The following MYT1L variants were observed in gnomAD, a reference collection of about 807,000 sequenced individuals.
MYT1L encodes the protein myelin transcription factor 1-like protein.
MYT1L carries 12 observed loss-of-function variants against 126.7 expected under a neutral mutation model. The ratio of observed to expected loss-of-function variants is 0.09; its 90% CI spans 0.06 to 0.15. The LOEUF (loss-of-function observed/expected upper bound fraction) is 0.15. Among genes scored for constraint, MYT1L ranks in the 10% least tolerant of loss-of-function variants. The pLI is 1.00. For synonymous variants in MYT1L, 541 were observed against 604.2 expected (o/e 0.90, Z 1.53); for missense variants, 979 against 1,585.2 (o/e 0.62, Z 6.49).
At chr2:2,256,890 A>C (rs1193201118) in intron 2 of MYT1L, among the ~76,000 whole-genome samples, 4 of 152,210 alleles carry the variant, frequency 2.6e-5, no homozygotes, top group Admixed American at 2.6e-4. Context: ...GAGAGTGTGC[A>C]TGTGTGTGTA....
At chr2:2,088,007 T>C (rs1249895966) in intron 3 of MYT1L, among the ~76,000 whole-genome samples, 1 of 152,002 alleles carries the variant, frequency 6.6e-6, no homozygotes, top group Non-Finnish European at 1.5e-5. Flanking sequence ...AACACACGAG[T>C]GTAAATCTCT....
At chr2:2,245,363 C>G (rs1024121224) in intron 2 of MYT1L, among the ~76,000 whole-genome samples, 2 of 151,852 alleles carry the variant, frequency 1.3e-5, no homozygotes, top group Non-Finnish European at 2.9e-5. Flanking sequence ...CTAGCCTACT[C>G]CAAGACATGA....
chr2:1,796,934 TG>T lies in MYT1L; in HGVS notation c.3277-4471del, dbSNP rs565654840. 4.9e-3 allele frequency among the ~76,000 whole-genome samples: 742 copies of T among 152,290 alleles called. 1 individual carries two copies. Among genetic ancestry groups the T allele is most frequent in the Admixed American group, 9.1e-3 (140 of 15,302 alleles). The stretch of plus-strand genomic sequence containing the variant: ...GCTCTCTCCTCCTCAGCGGCAGTTT[TG>T]TTTTTTTCCGGATTCTGATAACAAG... On this transcript the variant is annotated intron_variant, in intron 23 of 24. Transcript: ENST00000647738.
intron 2 of MYT1L, among the ~76,000 whole-genome samples, chr2:2,264,869 G>A (rs1200958215): frequency 6.6e-6 from 1 of 152,058 alleles, no homozygotes; most frequent in Non-Finnish European, 1.5e-5. Context: ...CACTTCTCAT[G>A]GCAAAATACC....
chr2:2,084,716 C>T (rs543207488), intron 3 of MYT1L, among the ~76,000 whole-genome samples: 1 of 152,188 alleles, frequency 6.6e-6, no homozygotes. Flanking sequence ...AGGCCTGAAT[C>T]CCAAACCTAC....
chr2:2,322,505 G>T (rs904502146), intron 1 of MYT1L, among the ~76,000 whole-genome samples: 7 of 152,100 alleles, frequency 4.6e-5, no homozygotes, highest in Non-Finnish European at 1.0e-4. Flanking sequence ...TTGCCCGTGA[G>T]CCTGCTCCAC....
intron 4 of MYT1L, among the ~76,000 whole-genome samples, chr2:2,021,721 C>T (rs2065046088): frequency 6.6e-6 from 1 of 152,132 alleles, no homozygotes; most frequent in South Asian, 2.1e-4. Flanking sequence ...CACGGTGAAA[C>T]TCCGTCTCTA....
intron 15 of MYT1L, among the ~76,000 whole-genome samples, chr2:1,890,979 A>C (rs1314253543): frequency 1.3e-5 from 2 of 152,092 alleles, no homozygotes; most frequent in African/African-American, 4.8e-5. Context: ...AAGTGCAACA[A>C]AATTTGGAAG....
At chr2:2,084,892 G>A (rs529812130) in intron 3 of MYT1L, among the ~76,000 whole-genome samples, 2 of 152,292 alleles carry the variant, frequency 1.3e-5, no homozygotes, top group South Asian at 4.1e-4. Flanking sequence ...AGGAAACACT[G>A]GTTATTATCT....
intron 8 of MYT1L, among the ~76,000 whole-genome samples, chr2:1,945,881 G>T (rs561777467): frequency 2.0e-5 from 3 of 152,104 alleles, no homozygotes; most frequent in African/African-American, 7.2e-5. Flanking sequence ...CTTCTAAAAC[G>T]ATTTAGACCA....
chr2:2,157,876 T>C (rs2086987136), intron 3 of MYT1L, among the ~76,000 whole-genome samples: 3 of 151,988 alleles, frequency 2.0e-5, no homozygotes, highest in Admixed American at 6.5e-5. Context: ...AGATCCAGTC[T>C]TATGTCCCTA....
chr2:1,957,947 C>T (rs1415556408), intron 8 of MYT1L, among the ~76,000 whole-genome samples: 1 of 152,166 alleles, frequency 6.6e-6, no homozygotes, highest in Non-Finnish European at 1.5e-5. Context: ...AAGGCTTCAA[C>T]CCATTTCCAG....
chr2:2,317,611 T>G (rs1244879607), intron 1 of MYT1L, among the ~76,000 whole-genome samples: 3 of 151,908 alleles, frequency 2.0e-5, no homozygotes, highest in African/African-American at 7.3e-5. Flanking sequence ...AGACAAAAAA[T>G]AAAAATAAAA....
intron 2 of MYT1L, among the ~76,000 whole-genome samples, chr2:2,232,309 A>C (rs1171997286): frequency 6.6e-6 from 1 of 152,228 alleles, no homozygotes; most frequent in Admixed American, 6.5e-5. Flanking sequence ...GGCTTGGGTC[A>C]CCTGCAGTTA....
chr2:2,037,772 C>T (rs1403672022), intron 4 of MYT1L, among the ~76,000 whole-genome samples: 1 of 148,484 alleles, frequency 6.7e-6, no homozygotes, highest in Non-Finnish European at 1.5e-5. Context: ...CAAAACAAAA[C>T]AAAACAAAAC....
intron 1 of MYT1L, among the ~76,000 whole-genome samples, chr2:2,322,498 C>T (rs1184720887): frequency 6.6e-6 from 1 of 152,048 alleles, no homozygotes; most frequent in African/African-American, 2.4e-5. Flanking sequence ...ATTGTCTTTG[C>T]CCGTGAGCCT....
chr2:2,227,482 C>T (rs2094040777), intron 2 of MYT1L, among the ~76,000 whole-genome samples: 1 of 152,126 alleles, frequency 6.6e-6, no homozygotes, highest in Admixed American at 6.5e-5. Context: ...ATCGAGGGAC[C>T]ACAGGATGGA....
chr2:1,858,123 C>A, intron 18 of MYT1L, among the ~76,000 whole-genome samples: 1 of 152,198 alleles, frequency 6.6e-6, no homozygotes, highest in East Asian at 1.9e-4. Context: ...CTTGGCCTCC[C>A]AAAGTGCTGG....
In MYT1L at chr2:2,161,714, C is replaced by T. The variant is rs187018988; in HGVS notation, c.-304+11158G>A. Among the ~76,000 whole-genome samples the T allele has an allele frequency of 2.0e-3, 311 of 152,312 alleles. 3 individuals carry two copies. Among genetic ancestry groups the T allele is most frequent in the Non-Finnish European group, 6.9e-4 (47 of 68,030 alleles). ...AGCAAGATGGTGCTGGGGACGCCAG[C>T]TCCCAGCAGCCTCAGAGGTGGATGC... On this transcript the variant is annotated intron_variant, in intron 3 of 24. Transcript: ENST00000647738.
Sources: allele counts gnomAD v4.1 joint callset (sites outside exome capture counted in the v4.1 genomes callset), GRCh38; gene constraint gnomAD v4.1.1; transcripts MANE v1.5; gene names NCBI Gene and HGNC (gene_info 2026-07-23, HGNC 2026-07-21).